Variants in ACTR1B observed in about 807,000 individuals in gnomAD.
The protein encoded by ACTR1B is beta-centractin.
A neutral mutation model predicts 49.4 loss-of-function variants in ACTR1B; 34 were observed. The ratio of observed to expected loss-of-function variants is 0.69; its 90% CI spans 0.52 to 0.92. The LOEUF is 0.92. Among genes scored for constraint, ACTR1B ranks in the 40% least tolerant of loss-of-function variants. ACTR1B has a pLI of 0.00. For missense variants in ACTR1B, 471 were observed against 522.4 expected (o/e 0.90, Z 0.96); for synonymous variants, 207 against 207.8 (o/e 1.00, Z 0.03).
Position 97,656,808 on chromosome 2 carries a change from C to T in ACTR1B, c.*50G>A, listed in dbSNP as rs780886478. ...CCAAGACCAAAAAGGGTTAAAGGCT[C>T]TGTCTCCCCTCCCTCCCCCTCTCCC... On this transcript the variant is annotated 3_prime_UTR_variant, in exon 11 of 11. Transcript: ENST00000289228. 6.8e-7 allele frequency: 1 copy of T among 1,474,342 alleles called. No individual in the cohort carries two copies. The allele number at this position is 1,474,342 out of a possible 1,614,324, so 91.3% of individuals were successfully genotyped here. A position where few individuals can be genotyped will look rare whatever the true frequency, so the allele number is the denominator to read the frequency against.
rs770211908 is a variant in ACTR1B, at chr2:97,658,517, G to A, written c.567C>T (p.Asp189=). The stretch of plus-strand genomic sequence containing the variant: ...GCAGGAGTCGGAGGTAGCGGGAGAC[G>A]TCGCGGCCGGCAATGTCCACCCGCA... The part of the protein sequence containing the change: ...SIMRVDIAGR[D]VSRYLRLLLR... The change falls in exon 6 of 11, where the codon GAC becomes GAT. Residue 189 remains aspartate (D), a synonymous_variant. Coordinates refer to ENST00000289228, the MANE Select transcript of ACTR1B (RefSeq NM_005735.4). The surrounding 1 kb of genome is among the most constrained non-coding windows in gnomAD (Gnocchi z 5.9). The A allele has an allele frequency of 6.8e-6, 11 of 1,613,990 alleles. No individual in the cohort carries two copies. The highest frequency in any genetic ancestry group is 2.2e-5 in the East Asian group (1 of 44,874).
chr2:97,662,010 T>A lies in ACTR1B; in HGVS notation c.49-64A>T, dbSNP rs531426932. Reference sequence around the variant, plus strand: ...ACCAGATGAAGCCAGTCCCCCGCAATGGAGAGAGCTGGCTGCCCCGTCAAG... The same window carrying A: ...ACCAGATGAAGCCAGTCCCCCGCAAAGGAGAGAGCTGGCTGCCCCGTCAAG... On this transcript the variant is annotated intron_variant, in intron 1 of 10. Coordinates refer to ENST00000289228, the MANE Select transcript of ACTR1B (RefSeq NM_005735.4). 252 of 1,512,806 alleles carry A rather than the reference T, an allele frequency of 1.7e-4. 3 individuals carry two copies. The South Asian group carries it at 2.8e-3, about 17-fold the overall frequency. The allele number at this position is 1,512,806 out of a possible 1,614,324, so 93.7% of individuals were successfully genotyped here. A position where few individuals can be genotyped will look rare whatever the true frequency, so the allele number is the denominator to read the frequency against.
intron 2 of ACTR1B, among the ~76,000 whole-genome samples, chr2:97,660,946 G>A (rs1288331283): frequency 6.6e-6 from 1 of 152,192 alleles, no homozygotes; most frequent in Non-Finnish European, 1.5e-5. Flanking sequence ...TGCAGCCACA[G>A]TGACTCAGCC....
intron 10 of ACTR1B, 21 bp downstream of exon 10, chr2:97,657,131 C>T: frequency 6.2e-7 from 1 of 1,611,042 alleles, no homozygotes; most frequent in Non-Finnish European, 8.5e-7. Flanking sequence ...TCCCAGAGCC[C>T]TCCCTTGAGC....
At chr2:97,657,009 C>G (rs539608287) in intron 10 of ACTR1B, 49 bp from the exon 11 acceptor site, 21 of 1,574,818 alleles carry the variant, frequency 1.3e-5, no homozygotes, top group Non-Finnish European at 1.5e-5. Context: ...AGGGAGCCAA[C>G]CACCTTCCTG....
Position 97,659,275 on chromosome 2 carries a change from G to T in ACTR1B, c.315+77C>A. On this transcript the variant is annotated intron_variant, in intron 4 of 10. Coordinates refer to ENST00000289228, the MANE Select transcript of ACTR1B (RefSeq NM_005735.4). This position sits in a 1 kb window ranked among gnomAD's most constrained non-coding sequence, Gnocchi z 4.0. The stretch of plus-strand genomic sequence containing the variant: ...AGAAATGTAGAAGGGAAATGTGGGA[G>T]CCCGGCGAGGAGGGACGCAGAGGAG... 6.3e-7 allele frequency: 1 copy of T among 1,595,124 alleles called. No individual in the cohort carries two copies. The highest frequency in any genetic ancestry group is 1.1e-5 in the South Asian group (1 of 89,588).
chr2:97,657,916 C>T, intron 8 of ACTR1B, 27 bp downstream of exon 8: 1 of 1,609,766 alleles, frequency 6.2e-7, no homozygotes, highest in Non-Finnish European at 8.5e-7. Flanking sequence ...CCTCGTCTCA[C>T]CACCACCAAC....
Position 97,659,616 on chromosome 2 carries a change from C to T in ACTR1B, c.190-139G>A. ...GAACCACCCCTGCTCACTGGGTGTC[C>T]CAGGGTCTGTGGCGGGTCCTGAACT... is the stretch of plus-strand genomic sequence containing the variant. On this transcript the variant is annotated intron_variant, in intron 3 of 10. Coordinates refer to ENST00000289228, the MANE Select transcript of ACTR1B (RefSeq NM_005735.4). This position sits in a 1 kb window ranked among gnomAD's most constrained non-coding sequence, Gnocchi z 4.0. 1 of 1,319,148 alleles carries T rather than the reference C, an allele frequency of 7.6e-7. No individual in the cohort carries two copies. The highest frequency in any genetic ancestry group is 1.5e-5 in the African/African-American group (1 of 67,798). The allele number at this position is 1,319,148 out of a possible 1,614,324, so 81.7% of individuals were successfully genotyped here.
intron 1 of ACTR1B, among the ~76,000 whole-genome samples, chr2:97,663,618 G>A (rs1184807138): frequency 2.6e-5 from 4 of 151,964 alleles, no homozygotes; most frequent in Admixed American, 6.5e-5. Context: ...CTCGGGGAGG[G>A]GTCGGGGAAG....
At position 97,656,850 on chromosome 2, in the gene ACTR1B, C is replaced by T; in HGVS notation, c.*8G>A. 6.4e-7 allele frequency: 1 copy of T among 1,570,978 alleles called. No homozygotes were observed. The highest frequency in any genetic ancestry group is 1.2e-5 in the South Asian group (1 of 85,594). On this transcript the variant is annotated 3_prime_UTR_variant, in exon 11 of 11. Coordinates refer to ENST00000289228, the MANE Select transcript of ACTR1B (RefSeq NM_005735.4). ...CCCTCTCCCAACATGCCCCGCCCTC[C>T]TTGGGCACTAGAAAGTTTTGCGATG...
Position 97,659,040 on chromosome 2 carries a change from G to A in ACTR1B, c.316-37C>T, listed in dbSNP as rs768260114. 1.2e-6 allele frequency: 2 copies of A among 1,613,300 alleles called. No individual in the cohort carries two copies. Among genetic ancestry groups the A allele is most frequent in the East Asian group, 2.2e-5 (1 of 44,862 alleles). On this transcript the variant is annotated intron_variant, in intron 4 of 10. Transcript: ENST00000289228. The surrounding 1 kb of genome is among the most constrained non-coding windows in gnomAD (Gnocchi z 4.0). ...GGGACAGTTGTAGGCATCAGAGGAG[G>A]CAACTTGCAAGGCCCTAAAAGGCTC...
rs576003782 is a variant in ACTR1B at position 97,659,471 on chromosome 2, G to A, written c.196C>T (p.Arg66Trp). ...LFIGPKAEEHRGLLTIRYPME... is the reference protein window; with the variant it reads ...LFIGPKAEEHWGLLTIRYPME... ...GGGTAGCGGATGGTCAGCAGCCCCC[G>A]GTGCTCCTGGTGGGGTGGGAAGGGA... Residue 66 changes from arginine (R) to tryptophan (W), a missense_variant, in exon 4 of 11, where the codon CGG becomes TGG. Arg to Trp is a moderately radical substitution (Grantham distance 101). Coordinates refer to ENST00000289228, the MANE Select transcript of ACTR1B (RefSeq NM_005735.4). The surrounding 1 kb of genome is among the most constrained non-coding windows in gnomAD (Gnocchi z 4.0). The A allele has an allele frequency of 6.8e-6, 11 of 1,613,424 alleles. No individual in the cohort carries two copies. The highest frequency in any genetic ancestry group is 5.5e-5 in the South Asian group (5 of 91,064).
Position 97,656,270 on chromosome 2 carries a change from C to T in ACTR1B, c.*588G>A, listed in dbSNP as rs978684435. 9 of 154,644 alleles carry T rather than the reference C, an allele frequency of 5.8e-5. No homozygotes were observed. Among genetic ancestry groups the T allele is most frequent in the Non-Finnish European group, 1.0e-4 (7 of 69,638 alleles). The allele number at this position is 154,644 out of a possible 1,614,324, so 9.6% of individuals were successfully genotyped here. On this transcript the variant is annotated 3_prime_UTR_variant, in exon 11 of 11. Coordinates refer to ENST00000289228, the MANE Select transcript of ACTR1B (RefSeq NM_005735.4). ...TAGTGCAGCGGCTCTAGCCACCGTG[C>T]ATCCTCTGCCCTGGCTCTGAAGGGC...
intron 1 of ACTR1B, 32 bp downstream of exon 1, chr2:97,663,811 C>T: frequency 1.5e-6 from 2 of 1,349,998 alleles, no homozygotes; most frequent in Non-Finnish European, 9.7e-7. Context: ...GGGGGCGGGG[C>T]GCCCGCCCTC....
chr2:97,661,996 C>CCAGT (rs1675021639), intron 1 of ACTR1B, 50 bp from the exon 2 acceptor site: 1 of 1,546,024 alleles, frequency 6.5e-7, no homozygotes, highest in Non-Finnish European at 8.8e-7. Context: ...CCAGATGAAG[C>CCAGT]CAGTCCCCCG....
At chr2:97,660,139 C>T (rs947915042) in intron 3 of ACTR1B, among the ~76,000 whole-genome samples, 11 of 152,290 alleles carry the variant, frequency 7.2e-5, no homozygotes, top group Admixed American at 2.6e-4. Flanking sequence ...GCTCCTCAGG[C>T]GCCTAAACTG....
chr2:97,659,733 G>T lies in ACTR1B; in HGVS notation c.190-256C>A. ...ATCAGAGAGGGTGGCAGTGTGCCCC[G>T]CAATCTGCAGGCTCTCTTCTTCCCC... On this transcript the variant is annotated intron_variant, in intron 3 of 10. Transcript: ENST00000289228. The surrounding 1 kb of genome is among the most constrained non-coding windows in gnomAD (Gnocchi z 4.0). The T allele has an allele frequency of 1.8e-6, 1 of 547,684 alleles. No homozygotes were observed. Among genetic ancestry groups the T allele is most frequent in the Non-Finnish European group, 3.3e-6 (1 of 307,276 alleles). The allele number at this position is 547,684 out of a possible 1,614,324, so 33.9% of individuals were successfully genotyped here. A position where few individuals can be genotyped will look rare whatever the true frequency, so the allele number is the denominator to read the frequency against.
At position 97,659,919 on chromosome 2, in the gene ACTR1B, T is replaced by G; in HGVS notation, c.190-442A>C. 4.7e-6 allele frequency: 1 copy of G among 215,016 alleles called. No homozygotes were observed. Among genetic ancestry groups the G allele is most frequent in the South Asian group, 7.2e-5 (1 of 13,906 alleles). The allele number at this position is 215,016 out of a possible 1,614,324, so 13.3% of individuals were successfully genotyped here. ...CAGCCCTTTGGCCGGTCCTCACCAG[T>G]CCCCTGTTTGCACTGACATGCTGCC... On this transcript the variant is annotated intron_variant, in intron 3 of 10. Coordinates refer to ENST00000289228, the MANE Select transcript of ACTR1B (RefSeq NM_005735.4). The surrounding 1 kb of genome is among the most constrained non-coding windows in gnomAD (Gnocchi z 4.0).
chr2:97,658,302 CA>C lies in ACTR1B; in HGVS notation c.671del (p.Leu224ArgfsTer95). 1 of 1,614,236 alleles carries C rather than the reference CA, an allele frequency of 6.2e-7. No individual in the cohort carries two copies. Among genetic ancestry groups the C allele is most frequent in the Non-Finnish European group, 8.5e-7 (1 of 1,180,038 alleles). Reference sequence around the variant, plus strand: ...CCTCATCCTTCTGTGGGTTGATGGACAGGTAGCACGCTCGCTGCGGGGACAG... The same window carrying C: ...CCTCATCCTTCTGTGGGTTGATGGACGGTAGCACGCTCGCTGCGGGGACAG... ...VRTIKERACY[L>X]SINPQKDEAL... is the part of the protein sequence containing the mutation. On this transcript the variant is annotated frameshift_variant, in exon 7 of 11. Transcript: ENST00000289228. LOFTEE classifies it high-confidence loss of function. The surrounding 1 kb of genome is among the most constrained non-coding windows in gnomAD (Gnocchi z 5.9).
Sources: allele counts gnomAD v4.1 joint callset (sites outside exome capture counted in the v4.1 genomes callset), GRCh38; gene constraint gnomAD v4.1.1; non-coding constraint Gnocchi (gnomAD v3.1); transcripts MANE v1.5; gene names NCBI Gene and HGNC (gene_info 2026-07-23, HGNC 2026-07-21).